MAGIX: variants seen among roughly 807,000 people sequenced by gnomAD.
The protein encoded by MAGIX is MAGI family member, X-linked.
Under a neutral mutation model 10.0 loss-of-function variants are expected in MAGIX, and 13 were observed. That is an observed-to-expected ratio of 1.30 (90% confidence interval 0.84 to 2.06). The LOEUF (loss-of-function observed/expected upper bound fraction) is 2.06, where lower values mean the gene tolerates loss of function less well. Ranked by LOEUF, MAGIX falls within the 30% of genes most tolerant of loss-of-function variation. MAGIX has a pLI of 0.00. For missense variants in MAGIX, 235 were observed against 245.2 expected (o/e 0.96, Z 0.28); for synonymous variants, 108 against 106.8 (o/e 1.01, Z -0.07).
chrX:49,163,930 G>A lies in MAGIX; in HGVS notation c.-55+1G>A. ...ACATTGCGCCTGCGCCGGAAGGAGG[G>A]TGAGTGACTGGCGCAGGGCCTCCGC... On this transcript the variant is annotated splice_donor_variant, in intron 2 of 4. Coordinates refer to ENST00000616266, the Ensembl canonical transcript of MAGIX. LOFTEE classifies it low-confidence loss of function (5UTR_SPLICE). The A allele has an allele frequency of 9.8e-7, 1 of 1,015,545 alleles. No individual in the cohort carries two copies. The highest frequency in any genetic ancestry group is 3.3e-5 in the South Asian group (1 of 29,971). The allele number at this position is 1,015,545 out of a possible 1,213,427, so 83.7% of individuals were successfully genotyped here.
At chrX:49,167,740 C>T (rs1194308019) in exon 5 of MAGIX, 6 of 111,697 alleles carry the variant, frequency 5.4e-5, no homozygotes, top group Admixed American at 3.8e-4. Context: ...CTTCAGAAGT[C>T]AGCAAAGGGC....
chrX:49,164,871 G>A lies in MAGIX; in HGVS notation c.111G>A (p.Trp37Ter), dbSNP rs782052800. Residue 37 changes from tryptophan (W) to a stop codon, truncating the protein, a stop_gained, in exon 3 of 5, where the codon TGG (tryptophan) becomes TGA (stop). Transcript: ENST00000616266. LOFTEE classifies it high-confidence loss of function. ...TGTGTCCTTTATTCCAGCACCGTTG[G>A]TTAGAGACATGTAACGCACCTCCCC... 3 of 1,211,968 alleles carry A rather than the reference G, an allele frequency of 2.5e-6. No homozygotes were observed. The highest frequency in any genetic ancestry group is 5.9e-5 in the East Asian group (2 of 33,862).
At chrX:49,163,001 T>C in intron 1 of MAGIX, 63 bp downstream of exon 1, 1 of 384,686 alleles carries the variant, frequency 2.6e-6, no homozygotes, top group Admixed American at 5.9e-5. Context: ...GTCCCGCCTG[T>C]CTGCTCCACA....
intron 2 of MAGIX, chrX:49,164,193 G>C: frequency 3.7e-6 from 1 of 272,342 alleles, no homozygotes; most frequent in Non-Finnish European, 6.5e-6. Context: ...GGTCCTTTTT[G>C]AGGAGGCAGG....
exon 3 of MAGIX, chrX:49,165,074 G>C (rs192306246): frequency 1.7e-6 from 2 of 1,205,264 alleles, no homozygotes; most frequent in Non-Finnish European, 2.2e-6. Context: ...CCAGCACAGC[G>C]CTGTGGTCGT....
chrX:49,164,052 G>A lies in MAGIX; in HGVS notation c.-55+123G>A, dbSNP rs781964650. 304 of 693,252 alleles carry A rather than the reference G, an allele frequency of 4.4e-4. No individual in the cohort carries two copies. The African/African-American group carries it at 5.5e-3, about 12-fold the overall frequency. 57.1% of individuals were successfully genotyped at this position (693,252 alleles called of 1,213,427 possible). ...TGGGTGGGGCCAAGGGGCGCGACTT[G>A]GGGCGGGGATCGGAGGGTGCTTCGA... On this transcript the variant is annotated intron_variant, in intron 2 of 4. Coordinates refer to ENST00000616266, the Ensembl canonical transcript of MAGIX.
At chrX:49,166,406 C>T (rs2147864073) in exon 5 of MAGIX, 2 of 1,113,311 alleles carry the variant, frequency 1.8e-6, no homozygotes, top group South Asian at 2.2e-5. Context: ...CTGAGCCTAC[C>T]TCTGACAGCG....
intron 2 of MAGIX, chrX:49,164,378 G>C (rs1411338747): frequency 5.5e-6 from 2 of 364,769 alleles, no homozygotes; most frequent in Non-Finnish European, 9.5e-6. Context: ...AAATTTTGGA[G>C]TAGCATTCTC....
At chrX:49,163,790 C>A in exon 2 of MAGIX, 1 of 1,048,668 alleles carries the variant, frequency 9.5e-7, no homozygotes, top group South Asian at 2.6e-5. Flanking sequence ...CAGGCCGCGG[C>A]CCCTCCCCGC....
In MAGIX at chrX:49,165,000, A is replaced by C. The variant is rs782790730; in HGVS notation, c.240A>C (p.Leu80Phe). 36 of 1,210,217 alleles carry C rather than the reference A, an allele frequency of 3.0e-5. No homozygotes were observed. In the African/African-American group the frequency reaches 5.6e-4, roughly 19 times the overall value. ...GTTACGCAGGCTTTGGCCTCACCTT[A>C]GGTGGGGGCCGGGATGTAGCTGGGG... Residue 80 changes from leucine (L) to phenylalanine (F), a missense_variant, in exon 3 of 5, where the codon TTA (leucine) becomes TTC (phenylalanine). Leu to Phe is a conservative substitution (Grantham distance 22). Transcript: ENST00000616266.
chrX:49,163,920 C>T (rs200187166), exon 2 of MAGIX: 4 of 1,017,486 alleles, frequency 3.9e-6, no homozygotes, highest in South Asian at 3.3e-5. Context: ...GCGCCTGCGC[C>T]GGAAGGAGGG....
exon 5 of MAGIX, chrX:49,168,154 C>CA (rs2065378607): frequency 8.8e-6 from 1 of 113,220 alleles, no homozygotes; most frequent in African/African-American, 3.2e-5. Context: ...AGATGTCAGA[C>CA]AAAAAAGACG....
chrX:49,165,916 C>T lies in MAGIX; in HGVS notation c.503-158C>T, dbSNP rs2065362888. On this transcript the variant is annotated intron_variant, in intron 4 of 4. Transcript: ENST00000616266. ...GGAGGGGTCTCGGGAAAGGAGGTGT[C>T]GGGGTTGTGAGGGGTGGTGCCGATC... 1.1e-5 allele frequency: 5 copies of T among 463,294 alleles called. No homozygotes were observed. The Admixed American group carries it at 1.6e-4, about 15-fold the overall frequency. The allele number at this position is 463,294 out of a possible 1,213,427, so 38.2% of individuals were successfully genotyped here.
intron 1 of MAGIX, chrX:49,162,833 C>A: frequency 1.3e-6 from 1 of 745,312 alleles, no homozygotes; most frequent in Non-Finnish European, 1.9e-6. Context: ...GTGAGCGCGC[C>A]CCAGAGCTCA....
At chrX:49,167,246 C>T (rs370026551) in exon 5 of MAGIX, 1 of 114,347 alleles carries the variant, frequency 8.7e-6, no homozygotes, top group African/African-American at 3.2e-5. Flanking sequence ...GAACTGCAGC[C>T]GGGCTTGTGT....
chrX:49,166,134 G>A (rs1557097864), exon 5 of MAGIX: 1 of 1,211,882 alleles, frequency 8.3e-7, no homozygotes, highest in South Asian at 1.8e-5. Context: ...GGGTCTCGCA[G>A]CAGCAGCACT....
At chrX:49,165,388 G>A (rs1557097641) in intron 4 of MAGIX, 27 bp downstream of exon 5, 10 of 1,115,144 alleles carry the variant, frequency 9.0e-6, no homozygotes, top group Non-Finnish European at 1.2e-5. Flanking sequence ...AGAGAAGTCA[G>A]AGATCAGTGA....
Position 49,165,517 on chromosome X carries a change from G to A in MAGIX, c.502+156G>A, listed in dbSNP as rs1246930944. 12 of 488,859 alleles carry A rather than the reference G, an allele frequency of 2.5e-5. No homozygotes were observed. In the African/African-American group the frequency reaches 3.0e-4, roughly 12 times the overall value. 40.3% of individuals were successfully genotyped at this position (488,859 alleles called of 1,213,427 possible). A position where few individuals can be genotyped will look rare whatever the true frequency, so the allele number is the denominator to read the frequency against. Reference sequence around the variant, plus strand: ...TATTCTCACAAGTAGGGGCAGGGAGGGGTACAGGGTCCCAGGATAGGAATA... The same window carrying A: ...TATTCTCACAAGTAGGGGCAGGGAGAGGTACAGGGTCCCAGGATAGGAATA... On this transcript the variant is annotated intron_variant, in intron 4 of 4. Transcript: ENST00000616266.
intron 2 of MAGIX, 184 bp downstream of exon 2, chrX:49,164,113 T>A: frequency 2.8e-6 from 1 of 352,447 alleles, no homozygotes; most frequent in South Asian, 1.2e-4. Context: ...AGCATATTCC[T>A]TGAGGGTTAT....
Sources: gnomAD v4.1 joint callset for allele counts on GRCh38, gnomAD v4.1.1 for gene constraint, MANE v1.5 for transcripts, NCBI Gene and HGNC (gene_info 2026-07-23, HGNC 2026-07-21) for gene names.